The following ERCC6L2 variants were observed in gnomAD, a reference collection of about 807,000 sequenced individuals.
ERCC6L2 encodes the protein ERCC excision repair 6 like 2.
In ERCC6L2, 77 loss-of-function variants were observed where a neutral mutation model predicts 132.0. That is an observed-to-expected ratio of 0.58 (90% confidence interval 0.49 to 0.71). The LOEUF (loss-of-function observed/expected upper bound fraction) is 0.71. Among genes scored for constraint, ERCC6L2 ranks in the 30% least tolerant of loss-of-function variants. The probability of loss-of-function intolerance (pLI) is 0.00; values close to 1 mark genes in which losing one functional copy is unlikely to be tolerated. For missense variants in ERCC6L2, 1,542 were observed against 1,837.6 expected, an observed-to-expected ratio of 0.84 and a Z score of 2.94; for synonymous variants, 583 against 632.4, an observed-to-expected ratio of 0.92 and a Z score of 1.17.
At chr9:95,953,836 A>G (rs1409644849) in intron 12 of ERCC6L2, among the ~76,000 whole-genome samples, 2 of 152,280 alleles carry the variant, frequency 1.3e-5, no homozygotes, top group South Asian at 2.1e-4. Flanking sequence ...AATCTGAGGG[A>G]AAAAGTCAAA....
At chr9:96,020,978 C>T (rs1235512559), downstream of ERCC6L2, 1 of 456,606 alleles carries the variant, frequency 2.2e-6, no homozygotes, top group South Asian at 1.5e-5. Context: ...GAACGGCGCA[C>T]CGGGCCCCGT....
chr9:95,944,977 G>A (rs1830985188), intron 12 of ERCC6L2, among the ~76,000 whole-genome samples: 2 of 152,148 alleles, frequency 1.3e-5, no homozygotes, highest in Non-Finnish European at 2.9e-5. Flanking sequence ...AATTGCTATT[G>A]AAGTTTCGGG....
At chr9:96,024,987 C>T (rs893155702) in intron 19 of ERCC6L2, among the ~76,000 whole-genome samples, 1 of 152,192 alleles carries the variant, frequency 6.6e-6, no homozygotes, top group African/African-American at 2.4e-5. Context: ...GAGTTGACCT[C>T]ATAAATATTT....
chr9:95,956,881 CCTCTT>C (rs1245752912), intron 13 of ERCC6L2, among the ~76,000 whole-genome samples: 1 of 149,116 alleles, frequency 6.7e-6, no homozygotes, highest in Admixed American at 6.7e-5. Context: ...CTTTGAGTAA[CCTCTT>C]CTTTTTACAC....
At position 96,017,924 on chromosome 9, in the gene ERCC6L2, C is replaced by T. The variant is rs1250221097; in HGVS notation, c.*4721C>T. On this transcript the variant is annotated 3_prime_UTR_variant, in exon 19 of 19. Transcript: ENST00000653738. The stretch of plus-strand genomic sequence containing the variant: ...TATTATTCAGCCTTGAAAGGAAATT[C>T]GGACACGTGCTACAACATAGATGAA... Among the ~76,000 whole-genome samples, 2 of 152,164 alleles carry T rather than the reference C, an allele frequency of 1.3e-5. No homozygotes were observed. The highest frequency in any genetic ancestry group is 2.9e-5 in the Non-Finnish European group (2 of 68,034).
intron 1 of ERCC6L2, among the ~76,000 whole-genome samples, chr9:95,880,146 C>A (rs1037681880): frequency 3.3e-5 from 5 of 152,060 alleles, no homozygotes; most frequent in Non-Finnish European, 7.4e-5. Context: ...TCTTAGAATT[C>A]ATCTCTTAAA....
intron 9 of ERCC6L2, among the ~76,000 whole-genome samples, chr9:95,927,276 T>A (rs1462991729): frequency 1.3e-5 from 2 of 152,194 alleles, no homozygotes; most frequent in South Asian, 4.1e-4. Flanking sequence ...GTATTTTTTT[T>A]ATTTAAAAGC....
intron 3 of ERCC6L2, among the ~76,000 whole-genome samples, chr9:95,899,600 A>ATGTGTGTGTGTGTGTG (rs56991965): frequency 3.7e-5 from 5 of 134,896 alleles, no homozygotes; most frequent in East Asian, 2.2e-4. Context: ...TTATATATAT[A>ATGTGTGTGTGTGTGTG]TGTGTGTGTG....
At chr9:95,951,522 T>G (rs577116537) in intron 12 of ERCC6L2, among the ~76,000 whole-genome samples, 3 of 152,254 alleles carry the variant, frequency 2.0e-5, no homozygotes, top group African/African-American at 4.8e-5. Flanking sequence ...GAGTTGGTTG[T>G]TTGAAAAGAT....
chr9:95,918,551 C>A, intron 6 of ERCC6L2: 1 of 442,376 alleles, frequency 2.3e-6, no homozygotes, highest in Non-Finnish European at 4.5e-6. Flanking sequence ...GAAGTCATTA[C>A]AGCTACTCTG....
chr9:95,907,337 A>ATTTTT, intron 4 of ERCC6L2, 66 bp downstream of exon 4: 5 of 558,486 alleles, frequency 9.0e-6, no homozygotes, highest in Middle Eastern at 5.8e-4. Context: ...TTATATTAAG[A>ATTTTT]GTTTTTTTTT....
intron 17 of ERCC6L2, among the ~76,000 whole-genome samples, chr9:95,990,397 A>G (rs1358707961): frequency 6.6e-6 from 1 of 152,212 alleles, no homozygotes; most frequent in African/African-American, 2.4e-5. Flanking sequence ...AGTGTGGTCC[A>G]TGGACCCTAA....
chr9:95,965,763 C>T (rs1832126497), intron 13 of ERCC6L2, among the ~76,000 whole-genome samples: 1 of 152,094 alleles, frequency 6.6e-6, no homozygotes, highest in African/African-American at 2.4e-5. Context: ...CCTCCACCTC[C>T]ACCTCCCAAA....
At chr9:95,921,648 A>G (rs1032115645) in intron 7 of ERCC6L2, among the ~76,000 whole-genome samples, 11 of 152,324 alleles carry the variant, frequency 7.2e-5, no homozygotes, top group African/African-American at 2.4e-4. Flanking sequence ...GTAAACGAAC[A>G]TACTCTTGTA....
chr9:96,010,101 T>A (rs758041483), intron 18 of ERCC6L2, among the ~76,000 whole-genome samples: 1 of 152,236 alleles, frequency 6.6e-6, no homozygotes, highest in Non-Finnish European at 1.5e-5. Flanking sequence ...AACTGGAACC[T>A]CTTAAGAACA....
intron 4 of ERCC6L2, among the ~76,000 whole-genome samples, chr9:95,907,529 A>G (rs1243879584): frequency 6.6e-6 from 1 of 151,958 alleles, no homozygotes; most frequent in African/African-American, 2.4e-5. Flanking sequence ...TTAAAAAGGA[A>G]TAATGATGAT....
intron 20 of ERCC6L2, among the ~76,000 whole-genome samples, chr9:96,039,246 G>A (rs1834551772): frequency 6.6e-6 from 1 of 152,194 alleles, no homozygotes; most frequent in African/African-American, 2.4e-5. Flanking sequence ...GCATGGGGTG[G>A]GTCCCAAGTG....
downstream of ERCC6L2, chr9:96,021,754 TG>T (rs559705256): frequency 3.6e-4 from 31 of 86,840 alleles, no homozygotes; most frequent in African/African-American, 1.3e-3. The surrounding 1 kb of genome is among the most constrained non-coding windows in gnomAD (Gnocchi z 4.7). Flanking sequence ...GCCGAGGTCG[TG>T]GGAAACCGAG....
rs769366535 is a variant in ERCC6L2 at position 95,876,084 on chromosome 9, G to A, written c.46G>A (p.Asp16Asn). 6.3e-7 allele frequency: 1 copy of A among 1,575,456 alleles called. No homozygotes were observed. The highest frequency in any genetic ancestry group is 8.6e-7 in the Non-Finnish European group (1 of 1,161,096). ...GCCCCGCGCGGAAACCTCAGGCAAA[G>A]GTACCAGCTCCGCGCTCGCCCCTTA... The part of the protein sequence containing the change: ...PQPRAETSGK[D>N]IWHPGERCLA... The change falls in exon 1 of 19, where the codon GAC becomes AAC. Residue 16 changes from aspartate (D) to asparagine (N), a missense_variant and splice_region_variant. Asp to Asn is a conservative substitution (Grantham distance 23, BLOSUM62 1). Coordinates refer to ENST00000653738, the MANE Select transcript of ERCC6L2 (RefSeq NM_020207.7).
Sources: gnomAD v4.1 joint callset for allele counts (sites outside exome capture counted in the v4.1 genomes callset) on GRCh38, gnomAD v4.1.1 for gene constraint, Gnocchi (gnomAD v3.1) non-coding constraint, MANE v1.5 for transcripts, NCBI Gene and HGNC (gene_info 2026-07-23, HGNC 2026-07-21) for gene names.